The following CASQ2 variants were observed in gnomAD, a reference collection of about 807,000 sequenced individuals.
The protein encoded by CASQ2 is calsequestrin-2.
CASQ2 carries 49 observed loss-of-function variants against 46.5 expected under a neutral mutation model. That is an observed-to-expected ratio of 1.05 (90% CI 0.84 to 1.34). The LOEUF (loss-of-function observed/expected upper bound fraction) is 1.34. Among genes scored for constraint, CASQ2 ranks in the 40% most tolerant of loss-of-function variants. The pLI, the probability that CASQ2 is intolerant of heterozygous loss-of-function variation, is 0.00. For synonymous variants in CASQ2, 174 were observed against 168.5 expected, an observed-to-expected ratio of 1.03 and a Z score of -0.25; for missense variants, 486 against 481.3, an observed-to-expected ratio of 1.01 and a Z score of -0.09.
In CASQ2 at chr1:115,732,914, G is replaced by A; in HGVS notation, c.593C>T (p.Thr198Ile). The A allele has an allele frequency of 6.2e-7, 1 of 1,613,026 alleles. No homozygotes were observed. Among genetic ancestry groups the A allele is most frequent in the Non-Finnish European group, 8.5e-7 (1 of 1,179,064 alleles). Residue 198 changes from threonine to isoleucine, a missense_variant, in exon 5 of 11, where the codon ACC becomes ATC. Coordinates refer to ENST00000261448, the MANE Select transcript of CASQ2 (RefSeq NM_001232.4). ...HFQPYIKFFA[T>I]FDKGVAKKLS... ...ATAGGTACTTACCCCTTTGTCAAAG[G>A]TGGCAAAGAATTTGATGTAAGGCTG...
At position 115,701,265 on chromosome 1, in the gene CASQ2, G is replaced by A. The variant is rs1390671878; in HGVS notation, c.1176C>T (p.Asp392=). 10 of 1,604,290 alleles carry A rather than the reference G, an allele frequency of 6.2e-6. No individual in the cohort carries two copies. The highest frequency in any genetic ancestry group is 8.5e-6 in the Non-Finnish European group (10 of 1,171,344). ...GCTATTCATCATCATCGTCATCACT[G>A]TCATCATTATCCTCTTCATCAGAAT... ...DDNSDEEDND[D]SDDDDDE Residue 392 remains aspartate (D), a synonymous_variant, in exon 11 of 11, where the codon GAC becomes GAT. Transcript: ENST00000261448.
intron 7 of CASQ2, among the ~76,000 whole-genome samples, chr1:115,723,335 A>ATCTATCTATCTATCTG (rs1647458374): frequency 6.6e-6 from 1 of 151,598 alleles, no homozygotes; most frequent in South Asian, 2.1e-4. Flanking sequence ...CTATCTATCT[A>ATCTATCTATCTATCTG]TCATCTATCT....
chr1:115,749,202 G>A (rs1031272736), intron 1 of CASQ2, among the ~76,000 whole-genome samples: 6 of 152,112 alleles, frequency 3.9e-5, no homozygotes, highest in African/African-American at 1.4e-4. Flanking sequence ...CATAAAATAA[G>A]AAGTTAACTC....
chr1:115,735,005 A>ATG (rs1647910329), intron 4 of CASQ2, among the ~76,000 whole-genome samples: 2 of 152,234 alleles, frequency 1.3e-5, no homozygotes, highest in Admixed American at 6.5e-5. Flanking sequence ...ATAGTGTATG[A>ATG]ATTCTATACA....
At chr1:115,751,780 T>C (rs1648592611) in intron 1 of CASQ2, among the ~76,000 whole-genome samples, 1 of 152,126 alleles carries the variant, frequency 6.6e-6, no homozygotes, top group South Asian at 2.1e-4. Flanking sequence ...CAGAGCCCAG[T>C]GGGCTGTGAT....
chr1:115,711,656 G>C (rs1654551042), intron 8 of CASQ2, among the ~76,000 whole-genome samples: 1 of 139,164 alleles, frequency 7.2e-6, no homozygotes, highest in African/African-American at 2.7e-5. Context: ...TGTTTGTTTT[G>C]CTTTGTTTTT....
chr1:115,726,952 A>AC, intron 6 of CASQ2, 40 bp downstream of exon 6: 5 of 609,402 alleles, frequency 8.2e-6, no homozygotes, highest in Non-Finnish European at 1.5e-5. Context: ...TCCATTCCCC[A>AC]GACCCCAGGC....
intron 1 of CASQ2, among the ~76,000 whole-genome samples, chr1:115,757,421 G>C (rs1298040584): frequency 1.3e-5 from 2 of 152,204 alleles, no homozygotes; most frequent in Non-Finnish European, 2.9e-5. Context: ...ATTTTTCAGA[G>C]TGGAGCAGGT....
At position 115,705,176 on chromosome 1, in the gene CASQ2, G is replaced by C; in HGVS notation, c.939+16C>G. 1 of 1,536,944 alleles carries C rather than the reference G, an allele frequency of 6.5e-7. No homozygotes were observed. Among genetic ancestry groups the C allele is most frequent in the Non-Finnish European group, 9.0e-7 (1 of 1,109,440 alleles). ...TGACAGCAACTGAGGGTGGGGCGCT[G>C]GCTGGAGCCACTCACCAGAGGAAAG... On this transcript the variant is annotated intron_variant, in intron 9 of 10. Transcript: ENST00000261448.
chr1:115,741,400 C>A (rs1418707785), intron 2 of CASQ2, among the ~76,000 whole-genome samples: 1 of 152,220 alleles, frequency 6.6e-6, no homozygotes, highest in African/African-American at 2.4e-5. Flanking sequence ...TCTTGCTTAG[C>A]TTCTTCAGGT....
intron 1 of CASQ2, among the ~76,000 whole-genome samples, chr1:115,755,320 C>G (rs1219576643): frequency 6.6e-6 from 1 of 152,050 alleles, no homozygotes; most frequent in Non-Finnish European, 1.5e-5. Context: ...AGCCCAGGCC[C>G]TGACCTCCTC....
intron 1 of CASQ2, among the ~76,000 whole-genome samples, chr1:115,763,126 A>C (rs938790671): frequency 2.0e-5 from 3 of 152,144 alleles, no homozygotes; most frequent in Admixed American, 6.5e-5. Flanking sequence ...ATTTTAATTC[A>C]GGTTGTTTTC....
chr1:115,721,070 G>A (rs544770894), intron 7 of CASQ2, among the ~76,000 whole-genome samples: 3 of 152,280 alleles, frequency 2.0e-5, no homozygotes, highest in Admixed American at 6.5e-5. Flanking sequence ...AGAAAAATGC[G>A]GTTAAAATAA....
Position 115,705,256 on chromosome 1 carries a change from G to T in CASQ2, c.875C>A (p.Ala292Asp), listed in dbSNP as rs749524743. Residue 292 changes from alanine (A) to aspartate (D), a missense_variant, in exon 9 of 11, where the codon GCC (alanine) becomes GAC (aspartate). By Grantham distance (126) the Ala-to-Asp change is moderately radical. Coordinates refer to ENST00000261448, the MANE Select transcript of CASQ2 (RefSeq NM_001232.4). ...ATCGGGGTTGTCAGTATTGTCCCGG[G>T]CAACCTGTTTCAGGATCTCCAGGAA... Reference protein sequence around the residue: ...YEFLEILKQVARDNTDNPDLS... With the variant: ...YEFLEILKQVDRDNTDNPDLS... The T allele has an allele frequency of 6.2e-7, 1 of 1,613,974 alleles. No individual in the cohort carries two copies. The highest frequency in any genetic ancestry group is 8.5e-7 in the Non-Finnish European group (1 of 1,179,830).
At chr1:115,751,175 C>T (rs1454468889) in intron 1 of CASQ2, among the ~76,000 whole-genome samples, 4 of 152,222 alleles carry the variant, frequency 2.6e-5, no homozygotes, top group Admixed American at 6.5e-5. Flanking sequence ...GCTTAGTAAA[C>T]ATTAGATTTT....
chr1:115,726,607 T>C (rs1311890420), intron 6 of CASQ2, among the ~76,000 whole-genome samples: 1 of 152,220 alleles, frequency 6.6e-6, no homozygotes, highest in Non-Finnish European at 1.5e-5. Flanking sequence ...TCTGTAAAAT[T>C]GGGATAATAA....
chr1:115,718,513 G>A (rs777460419), intron 7 of CASQ2, among the ~76,000 whole-genome samples: 6 of 152,206 alleles, frequency 3.9e-5, no homozygotes, highest in Non-Finnish European at 7.3e-5. Flanking sequence ...TTAGGACCCT[G>A]CCTACAGAAC....
chr1:115,716,646 T>C (rs1415952570), intron 8 of CASQ2, among the ~76,000 whole-genome samples: 1 of 152,174 alleles, frequency 6.6e-6, no homozygotes, highest in Non-Finnish European at 1.5e-5. Flanking sequence ...AAGCAGAATG[T>C]TTGAGGTTCT....
At chr1:115,713,600 G>A (rs1477796583) in intron 8 of CASQ2, among the ~76,000 whole-genome samples, 3 of 152,212 alleles carry the variant, frequency 2.0e-5, no homozygotes, top group Admixed American at 2.0e-4. Context: ...GGGACATGTG[G>A]TTGTTGCTGC....
Sources: gnomAD v4.1 joint callset for allele counts (sites outside exome capture counted in the v4.1 genomes callset) on GRCh38, gnomAD v4.1.1 for gene constraint, MANE v1.5 for transcripts, NCBI Gene and HGNC (gene_info 2026-07-23, HGNC 2026-07-21) for gene names.